The following MRAP2 variants were observed in gnomAD, a reference collection of about 807,000 sequenced individuals.
The protein encoded by MRAP2 is melanocortin 2 receptor accessory protein 2.
In MRAP2, 20 loss-of-function variants were observed where a neutral mutation model predicts 17.4. The observed-to-expected ratio is 1.15, with a 90% CI of 0.81 to 1.67. The LOEUF is 1.67. MRAP2 is among the 40% of genes most tolerant of loss of function. The probability of loss-of-function intolerance (pLI) is 0.00; values close to 1 mark genes in which losing one functional copy is unlikely to be tolerated. For synonymous variants in MRAP2, 96 were observed against 88.4 expected (o/e 1.09, Z -0.48); for missense variants, 238 against 240.0 (o/e 0.99, Z 0.05).
chr6:84,091,787 T>C (rs965214020), downstream of MRAP2, among the ~76,000 whole-genome samples: 3 of 152,190 alleles, frequency 2.0e-5, no homozygotes, highest in Admixed American at 6.5e-5. Context: ...CATAGTCTCA[T>C]GGATGCTGCC....
At chr6:84,081,277 A>C (rs1179389074) in intron 3 of MRAP2, among the ~76,000 whole-genome samples, 1 of 152,186 alleles carries the variant, frequency 6.6e-6, no homozygotes, top group African/African-American at 2.4e-5. Context: ...TCTTGGGAAA[A>C]ACTGTCTACT....
chr6:84,084,616 G>T (rs2099499812), intron 3 of MRAP2, among the ~76,000 whole-genome samples: 1 of 152,126 alleles, frequency 6.6e-6, no homozygotes, highest in Non-Finnish European at 1.5e-5. Context: ...CTTAACACCA[G>T]CAGAAAAGTC....
At chr6:84,087,986 G>T (rs1253398748) in intron 3 of MRAP2, among the ~76,000 whole-genome samples, 1 of 152,098 alleles carries the variant, frequency 6.6e-6, no homozygotes, top group Non-Finnish European at 1.5e-5. Context: ...TTCCAGACCT[G>T]TGTTTTTTTT....
At chr6:84,111,091 T>C in the MRAP2 span, among the ~76,000 whole-genome samples, 1 of 152,238 alleles carries the variant, frequency 6.6e-6, no homozygotes, top group Non-Finnish European at 1.5e-5. Flanking sequence ...TGAGCTGTTT[T>C]TTTGGTTCCC....
chr6:84,056,602 C>T (rs548609618), intron 2 of MRAP2, among the ~76,000 whole-genome samples: 21 of 152,250 alleles, frequency 1.4e-4, no homozygotes, highest in African/African-American at 4.8e-4. Context: ...TGTGAAATCA[C>T]CTTCTTTAAT....
At chr6:84,043,387 A>G (rs900620520) in intron 1 of MRAP2, among the ~76,000 whole-genome samples, 9 of 150,258 alleles carry the variant, frequency 6.0e-5, no homozygotes, top group Admixed American at 1.3e-4. Flanking sequence ...GAGATCCTCA[A>G]TGTAGTGAAA....
At chr6:84,078,057 G>A (rs1266439837) in intron 3 of MRAP2, among the ~76,000 whole-genome samples, 5 of 152,174 alleles carry the variant, frequency 3.3e-5, no homozygotes, top group African/African-American at 1.2e-4. Flanking sequence ...AGAAAGCATA[G>A]GAGAATATCT....
chr6:84,074,797 T>C (rs558906376), intron 3 of MRAP2, among the ~76,000 whole-genome samples: 6 of 152,332 alleles, frequency 3.9e-5, no homozygotes, highest in Non-Finnish European at 7.3e-5. Context: ...GGCTGGACTT[T>C]CCTTTAATGT....
At chr6:84,070,243 T>A (rs1298163089) in intron 3 of MRAP2, among the ~76,000 whole-genome samples, 2 of 152,162 alleles carry the variant, frequency 1.3e-5, no homozygotes, top group East Asian at 3.8e-4. Flanking sequence ...TTATGAACTT[T>A]CCTCTTAGCA....
At position 84,082,875 on chromosome 6, in the gene MRAP2, C is replaced by T. The variant is rs564444631; in HGVS notation, c.228-6216C>T. Among the ~76,000 whole-genome samples the T allele has an allele frequency of 6.6e-5, 10 of 152,096 alleles. No individual in the cohort carries two copies. In the South Asian group the frequency reaches 2.1e-3, roughly 32 times the overall value. ...TTACATGCTAGGACATGCCACAGTACCAGGCTTATCAGTACGAGCTCACAT... is the reference window on the plus strand; with the variant it reads ...TTACATGCTAGGACATGCCACAGTATCAGGCTTATCAGTACGAGCTCACAT... On this transcript the variant is annotated intron_variant, in intron 3 of 3. Coordinates refer to ENST00000257776, the MANE Select transcript of MRAP2 (RefSeq NM_138409.4).
the MRAP2 span, among the ~76,000 whole-genome samples, chr6:84,098,212 ACT>A: frequency 6.6e-6 from 1 of 151,872 alleles, no homozygotes; most frequent in Non-Finnish European, 1.5e-5. Context: ...TGCAGTACAT[ACT>A]CTGTTTTGCC....
intron 2 of MRAP2, among the ~76,000 whole-genome samples, chr6:84,056,475 T>C (rs1207594101): frequency 3.6e-4 from 55 of 152,218 alleles, no homozygotes; most frequent in Admixed American, 3.6e-3. Context: ...GTAGTAATAA[T>C]TAAATACTTT....
chr6:84,083,290 T>C (rs1031228252), intron 3 of MRAP2, among the ~76,000 whole-genome samples: 3 of 152,244 alleles, frequency 2.0e-5, no homozygotes, highest in Non-Finnish European at 2.9e-5. Context: ...TTAACAATTA[T>C]ACCTGGATTA....
chr6:84,096,864 G>A, the MRAP2 span, among the ~76,000 whole-genome samples: 3 of 152,116 alleles, frequency 2.0e-5, no homozygotes, highest in African/African-American at 7.2e-5. Context: ...AGAAGGTGCT[G>A]GTTAACATCC....
chr6:84,038,361 C>G (rs1440162723), intron 1 of MRAP2, among the ~76,000 whole-genome samples: 1 of 152,184 alleles, frequency 6.6e-6, no homozygotes, highest in Non-Finnish European at 1.5e-5. Context: ...TCCCCCAACC[C>G]CAGCAGGAGA....
At chr6:84,078,522 G>A (rs981711644) in intron 3 of MRAP2, among the ~76,000 whole-genome samples, 1 of 152,198 alleles carries the variant, frequency 6.6e-6, no homozygotes, top group Admixed American at 6.5e-5. Context: ...TGGATAGCTT[G>A]TTTGCCCCCA....
At chr6:84,112,728 G>A in the MRAP2 span, among the ~76,000 whole-genome samples, 4 of 151,938 alleles carry the variant, frequency 2.6e-5, no homozygotes, top group Admixed American at 1.3e-4. Context: ...GCTTTCTCTT[G>A]TGGGCATTTA....
chr6:84,052,808 G>T, intron 1 of MRAP2: 1 of 985,178 alleles, frequency 1.0e-6, no homozygotes, highest in Non-Finnish European at 1.2e-6. Context: ...ACTCATTCTT[G>T]TCTCTCAGTG....
rs184310029 is a variant in MRAP2 at position 84,086,154 on chromosome 6, A to T, written c.228-2937A>T. ...TGTTTACATGGTAATGGGTCATTGC[A>T]ATGAAAATACTCATGCCATATAACT... On this transcript the variant is annotated intron_variant, in intron 3 of 3. Transcript: ENST00000257776. Among the ~76,000 whole-genome samples, 161 of 152,358 alleles carry T rather than the reference A, an allele frequency of 1.1e-3. 4 individuals are homozygous for T. The highest frequency in any genetic ancestry group is 0.01 in the Admixed American group (159 of 15,306).
Sources: allele counts gnomAD v4.1 joint callset (sites outside exome capture counted in the v4.1 genomes callset), GRCh38; gene constraint gnomAD v4.1.1; transcripts MANE v1.5; gene names NCBI Gene and HGNC (gene_info 2026-07-23, HGNC 2026-07-21).